Variants in RALGAPA1 observed in about 807,000 individuals in gnomAD.
RALGAPA1 encodes the protein ral GTPase-activating protein subunit alpha-1.
RALGAPA1 carries 52 observed loss-of-function variants against 269.6 expected under a neutral mutation model. The observed-to-expected ratio is 0.19, with a 90% CI of 0.15 to 0.24. The LOEUF (loss-of-function observed/expected upper bound fraction) is 0.24. Among genes scored for constraint, RALGAPA1 ranks in the 10% least tolerant of loss-of-function variants. The pLI, the probability that RALGAPA1 is intolerant of heterozygous loss-of-function variation, is 1.00. For synonymous variants in RALGAPA1, 817 were observed against 1,008.3 expected, an observed-to-expected ratio of 0.81 and a Z score of 3.60; for missense variants, 1,917 against 3,013.9, an observed-to-expected ratio of 0.64 and a Z score of 8.52.
At chr14:35,586,864 G>A (rs549339386) in intron 37 of RALGAPA1, among the ~76,000 whole-genome samples, 3 of 152,316 alleles carry the variant, frequency 2.0e-5, no homozygotes, top group East Asian at 1.9e-4. Context: ...TGGTTTGCCA[G>A]TATTTTATTG....
At chr14:35,644,252 T>C (rs2062229790) in intron 31 of RALGAPA1, among the ~76,000 whole-genome samples, 1 of 152,192 alleles carries the variant, frequency 6.6e-6, no homozygotes, top group African/African-American at 2.4e-5. Context: ...CAAGATACAC[T>C]GTCAAGTGAA....
chr14:35,629,652 G>A (rs375572745), intron 33 of RALGAPA1, among the ~76,000 whole-genome samples: 13 of 151,962 alleles, frequency 8.6e-5, no homozygotes, highest in African/African-American at 1.5e-4. Context: ...CTACAGGCGC[G>A]CACCGCCACG....
At chr14:35,779,206 A>G (rs973417613) in intron 1 of RALGAPA1, among the ~76,000 whole-genome samples, 1 of 152,192 alleles carries the variant, frequency 6.6e-6, no homozygotes, top group African/African-American at 2.4e-5. Flanking sequence ...CCCACAGAGT[A>G]GTTTAAAGAA....
At chr14:35,724,984 T>C (rs538478254) in intron 14 of RALGAPA1, 40 bp downstream of exon 14, 5 of 1,506,886 alleles carry the variant, frequency 3.3e-6, no homozygotes, top group South Asian at 2.7e-5. Flanking sequence ...AAACAACCCA[T>C]ATCTATCCAG....
intron 16 of RALGAPA1, among the ~76,000 whole-genome samples, chr14:35,702,802 C>T (rs2067477752): frequency 6.7e-6 from 1 of 149,350 alleles, no homozygotes; most frequent in African/African-American, 2.5e-5. Flanking sequence ...TGCAGTGGCG[C>T]GATCTCGGCT....
chr14:35,656,440 T>C (rs1293979117), intron 28 of RALGAPA1, among the ~76,000 whole-genome samples: 1 of 152,216 alleles, frequency 6.6e-6, no homozygotes, highest in Non-Finnish European at 1.5e-5. Context: ...ATTTTTATCC[T>C]GTTCCCCAAT....
At chr14:35,601,171 TA>T (rs1207418016) in intron 36 of RALGAPA1, among the ~76,000 whole-genome samples, 3 of 152,202 alleles carry the variant, frequency 2.0e-5, no homozygotes, top group Non-Finnish European at 2.9e-5. Context: ...TGGGTGATGG[TA>T]AAAGTCCCAA....
At chr14:35,602,927 A>G (rs2059379928) in intron 36 of RALGAPA1, among the ~76,000 whole-genome samples, 1 of 152,234 alleles carries the variant, frequency 6.6e-6, no homozygotes, top group Middle Eastern at 3.4e-3. Context: ...TGTATATGGT[A>G]TGGGGTAAGA....
chr14:35,684,698 G>A (rs919992425), intron 20 of RALGAPA1, among the ~76,000 whole-genome samples: 1 of 152,154 alleles, frequency 6.6e-6, no homozygotes, highest in African/African-American at 2.4e-5. Context: ...CCTTGCACCT[G>A]TAATCCCAGC....
At position 35,627,593 on chromosome 14, in the gene RALGAPA1, T is replaced by C. The variant is rs2061073821; in HGVS notation, c.6354A>G (p.Ile2118Met). ...LSGKYSWDSA[I>M]LYGPPPVSGL... ...CACTTACAGGAGGTGGGCCATACAG[T>C]ATAGCAGAATCCCATGAATATTTTC... The change falls in exon 34 of 42, where the codon ATA becomes ATG. Residue 2118 changes from isoleucine (I) to methionine (M), a missense_variant. By Grantham distance (10) the Ile-to-Met change is conservative (BLOSUM62 1). Transcript: ENST00000680220. 6.3e-7 allele frequency: 1 copy of C among 1,576,318 alleles called. No homozygotes were observed. Among genetic ancestry groups the C allele is most frequent in the South Asian group, 1.2e-5 (1 of 83,502 alleles).
intron 16 of RALGAPA1, among the ~76,000 whole-genome samples, chr14:35,708,996 C>T (rs931331290): frequency 1.3e-5 from 2 of 152,108 alleles, no homozygotes; most frequent in East Asian, 1.9e-4. Flanking sequence ...ATCACATGCT[C>T]TCACTTATCT....
At chr14:35,624,156 C>CAAAAAAAA (rs377171729) in intron 35 of RALGAPA1, among the ~76,000 whole-genome samples, 3 of 21,840 alleles carry the variant, frequency 1.4e-4, no homozygotes, top group African/African-American at 2.2e-4. Flanking sequence ...TAATACAACG[C>CAAAAAAAA]AAAAAAAAAA....
chr14:35,802,828 C>T (rs1178530188), intron 1 of RALGAPA1, among the ~76,000 whole-genome samples: 1 of 151,982 alleles, frequency 6.6e-6, no homozygotes, highest in Non-Finnish European at 1.5e-5. Flanking sequence ...ATCCCAGGCA[C>T]ACACTACCAT....
chr14:35,669,744 A>G (rs1192642010), intron 26 of RALGAPA1, among the ~76,000 whole-genome samples: 1 of 152,216 alleles, frequency 6.6e-6, no homozygotes, highest in Non-Finnish European at 1.5e-5. Flanking sequence ...AGTTGTTAAT[A>G]TACTTCTCCA....
At chr14:35,724,131 A>C (rs1477837331) in intron 14 of RALGAPA1, among the ~76,000 whole-genome samples, 1 of 152,152 alleles carries the variant, frequency 6.6e-6, no homozygotes, top group Non-Finnish European at 1.5e-5. Flanking sequence ...ATAGCAAGAT[A>C]AAATTTTATC....
intron 4 of RALGAPA1, chr14:35,766,324 A>T: frequency 9.0e-7 from 1 of 1,108,580 alleles, no homozygotes; most frequent in East Asian, 2.4e-5. Flanking sequence ...GATCCTGTTA[A>T]ACCATTCATG....
At chr14:35,564,557 C>G (rs2056543808) in intron 39 of RALGAPA1, 2 of 152,094 alleles carry the variant, frequency 1.3e-5, no homozygotes, top group Non-Finnish European at 2.9e-5. Flanking sequence ...TTCTGGTAAT[C>G]TCCCTGATCA....
intron 35 of RALGAPA1, among the ~76,000 whole-genome samples, chr14:35,617,805 A>G (rs537933632): frequency 5.9e-5 from 9 of 152,188 alleles, no homozygotes; most frequent in Non-Finnish European, 1.3e-4. Context: ...TTAGAAACAG[A>G]ACATAACAGA....
chr14:35,568,964 T>C (rs1409808656), intron 39 of RALGAPA1, among the ~76,000 whole-genome samples: 1 of 152,228 alleles, frequency 6.6e-6, no homozygotes. Context: ...TTAGTCATTA[T>C]GATTTCACTA....
Sources: allele counts gnomAD v4.1 joint callset (sites outside exome capture counted in the v4.1 genomes callset), GRCh38; gene constraint gnomAD v4.1.1; transcripts MANE v1.5; gene names NCBI Gene and HGNC (gene_info 2026-07-23, HGNC 2026-07-21).